KIF3A: variants seen among roughly 807,000 people sequenced by gnomAD.
The protein encoded by KIF3A is kinesin-like protein KIF3A.
KIF3A carries 27 observed loss-of-function variants against 92.6 expected under a neutral mutation model. The observed-to-expected ratio is 0.29, with a 90% CI of 0.21 to 0.40. The LOEUF is 0.40. Ranked by LOEUF, KIF3A falls within the 10% of genes least tolerant of loss-of-function variation. The pLI is 1.00. For synonymous variants in KIF3A, 250 were observed against 275.4 expected (o/e 0.91, Z 0.92); for missense variants, 581 against 872.6 (o/e 0.67, Z 4.21).
intron 18 of KIF3A, 113 bp from the exon 19 acceptor site, chr5:132,696,795 A>T: frequency 1.4e-6 from 1 of 723,724 alleles, no homozygotes; most frequent in Non-Finnish European, 2.4e-6. Context: ...GAAACAAGCC[A>T]AAATTTGACA....
At position 132,731,175 on chromosome 5, in the gene KIF3A, C is replaced by A. The variant is rs764293100; in HGVS notation, c.280+3030G>T. Among the ~76,000 whole-genome samples the A allele has an allele frequency of 1.6e-4, 25 of 152,162 alleles. 1 individual carries two copies. The highest frequency in any genetic ancestry group is 4.1e-4 in the South Asian group (2 of 4,830). On this transcript the variant is annotated intron_variant, in intron 2 of 18. Coordinates refer to ENST00000403231, the MANE Select transcript of KIF3A (RefSeq NM_001300791.2). ...AGAAGGGGATACTTTCTAACCCATT[C>A]TATGAAACTAGCATTATCACAATAC...
chr5:132,695,570 A>T lies in KIF3A; in HGVS notation c.*1064T>A, dbSNP rs2149889212. 6.6e-6 allele frequency: 1 copy of T among 152,502 alleles called. No homozygotes were observed. The highest frequency in any genetic ancestry group is 1.5e-5 in the Non-Finnish European group (1 of 68,030). 9.4% of individuals were successfully genotyped at this position (152,502 alleles called of 1,614,324 possible). ...CTATTACAACTTACTTTACTATGAA[A>T]TCAACATAGTTTTTATTTGTAGAGG... On this transcript the variant is annotated 3_prime_UTR_variant, in exon 19 of 19. Transcript: ENST00000403231.
intron 13 of KIF3A, 107 bp from the exon 14 acceptor site, chr5:132,702,775 T>G: frequency 2.3e-6 from 3 of 1,284,340 alleles, no homozygotes; most frequent in Non-Finnish European, 3.3e-6. Flanking sequence ...TTCAAAGCAA[T>G]CCATAAATAT....
At chr5:132,718,745 G>C (rs897402848) in intron 5 of KIF3A, among the ~76,000 whole-genome samples, 2 of 152,178 alleles carry the variant, frequency 1.3e-5, no homozygotes, top group African/African-American at 4.8e-5. Context: ...TGCTGCCTCA[G>C]CATCCCAAGT....
chr5:132,691,432 A>G (rs1752661137), downstream of KIF3A, among the ~76,000 whole-genome samples: 2 of 152,012 alleles, frequency 1.3e-5, no homozygotes, highest in African/African-American at 4.8e-5. Context: ...CTGTAGTCCC[A>G]GCTACTCTGA....
rs182390037 is a variant in KIF3A at position 132,693,009 on chromosome 5, G to C, written c.*3625C>G. The stretch of plus-strand genomic sequence containing the variant: ...TAATTCACAGCCCTGTAGGAAAGAA[G>C]ACTTTCCTTAAGAGTTAAGGGGAAG... On this transcript the variant is annotated 3_prime_UTR_variant, in exon 19 of 19. Coordinates refer to ENST00000403231, the MANE Select transcript of KIF3A (RefSeq NM_001300791.2). 30 of 152,624 alleles carry C rather than the reference G, an allele frequency of 2.0e-4. No individual in the cohort carries two copies. The highest frequency in any genetic ancestry group is 6.3e-4 in the African/African-American group (26 of 41,542). The allele number at this position is 152,624 out of a possible 1,614,324, so 9.5% of individuals were successfully genotyped here.
intron 15 of KIF3A, 23 bp downstream of exon 15, chr5:132,702,064 C>G: frequency 6.3e-7 from 1 of 1,595,768 alleles, no homozygotes. Context: ...GCGACTATCT[C>G]GGTCAGAGAA....
rs190021729 is a variant in KIF3A at position 132,723,520 on chromosome 5, G to A, written c.510+2608C>T. The A allele has an allele frequency of 1.6e-3, 243 of 152,206 alleles. 1 individual carries two copies. Among genetic ancestry groups the A allele is most frequent in the African/African-American group, 5.5e-3 (229 of 41,542 alleles). 9.4% of individuals were successfully genotyped at this position (152,206 alleles called of 1,614,324 possible). On this transcript the variant is annotated intron_variant, in intron 4 of 18. Coordinates refer to ENST00000403231, the MANE Select transcript of KIF3A (RefSeq NM_001300791.2). ...ACACATTTACAACTATCTGATCTTT[G>A]ACAAACCTGACAAAAACAAGAAATG...
Position 132,716,393 on chromosome 5 carries a change from T to A in KIF3A, c.806A>T (p.Glu269Val). 1 of 1,614,030 alleles carries A rather than the reference T, an allele frequency of 6.2e-7. No individual in the cohort carries two copies. Among genetic ancestry groups the A allele is most frequent in the Non-Finnish European group, 8.5e-7 (1 of 1,179,940 alleles). ...KTGATGQRLK[E>V]ATKINLSLST... Reference sequence around the variant, plus strand: ...AAGTGAAAGATTGATTTTTGTAGCTTCCTTTAGGCGCTGTCCAGTAGCTCC... The same window carrying A: ...AAGTGAAAGATTGATTTTTGTAGCTACCTTTAGGCGCTGTCCAGTAGCTCC... Residue 269 changes from glutamate (E) to valine (V), a missense_variant, in exon 7 of 19, where the codon GAA (glutamate) becomes GTA (valine). Glu to Val is a moderately radical substitution (Grantham distance 121). Around this residue, in one of 5 missense-constraint regions of KIF3A, gnomAD observed 40 missense variants for 107.0 expected, o/e 0.37. Transcript: ENST00000403231.
chr5:132,722,258 G>A (rs974880661), intron 4 of KIF3A, among the ~76,000 whole-genome samples: 1 of 152,100 alleles, frequency 6.6e-6, no homozygotes, highest in African/African-American at 2.4e-5. Context: ...TATGAAAGAT[G>A]AAGAAAGAAA....
intron 8 of KIF3A, 133 bp downstream of exon 8, chr5:132,715,624 C>T: frequency 1.6e-6 from 1 of 611,722 alleles, no homozygotes; most frequent in Non-Finnish European, 2.8e-6. Context: ...AAGTCACTTT[C>T]TAGAAATATT....
intron 5 of KIF3A, among the ~76,000 whole-genome samples, chr5:132,719,332 T>C (rs566021836): frequency 2.6e-5 from 4 of 152,338 alleles, no homozygotes; most frequent in African/African-American, 4.8e-5. Context: ...TTTTTGCTAA[T>C]TTTTCTATTA....
intron 4 of KIF3A, among the ~76,000 whole-genome samples, chr5:132,724,807 A>AAAT (rs1554107349): frequency 3.3e-5 from 1 of 30,106 alleles, no homozygotes; most frequent in African/African-American, 1.1e-4. Flanking sequence ...AAAAAAAAAA[A>AAAT]TATATATATA....
At chr5:132,712,235 C>T (rs1446412036) in intron 8 of KIF3A, among the ~76,000 whole-genome samples, 1 of 152,138 alleles carries the variant, frequency 6.6e-6, no homozygotes, top group African/African-American at 2.4e-5. Flanking sequence ...GTGAATGATT[C>T]TAAGATTGGG....
At chr5:132,723,303 A>C (rs1056444892) in intron 4 of KIF3A, 31 of 152,252 alleles carry the variant, frequency 2.0e-4, no homozygotes, top group African/African-American at 6.0e-4. Context: ...AAACTACTTT[A>C]AAGTTCATAT....
intron 14 of KIF3A, 32 bp downstream of exon 14, chr5:132,702,526 T>G: frequency 8.0e-7 from 1 of 1,251,440 alleles, no homozygotes. Flanking sequence ...AATCCAGAAC[T>G]GCATTAGTAG....
chr5:132,705,853 TG>T (rs1291549294), intron 11 of KIF3A, among the ~76,000 whole-genome samples: 3 of 152,126 alleles, frequency 2.0e-5, no homozygotes, highest in Non-Finnish European at 4.4e-5. Flanking sequence ...CACTTTTATA[TG>T]TATTTTTCAA....
At chr5:132,727,512 A>G (rs896136154) in intron 2 of KIF3A, among the ~76,000 whole-genome samples, 2 of 152,232 alleles carry the variant, frequency 1.3e-5, no homozygotes, top group African/African-American at 4.8e-5. Context: ...AGAGCCAAGA[A>G]AAAGAATGGA....
intron 5 of KIF3A, among the ~76,000 whole-genome samples, chr5:132,719,750 G>A (rs1753763769): frequency 6.6e-6 from 1 of 151,872 alleles, no homozygotes; most frequent in Non-Finnish European, 1.5e-5. Flanking sequence ...CCAAAGTGCT[G>A]GGATTACAGG....
Sources: allele counts gnomAD v4.1 joint callset (sites outside exome capture counted in the v4.1 genomes callset), GRCh38; gene constraint gnomAD v4.1.1; regional missense constraint gnomAD v4.1.1; transcripts MANE v1.5; gene names NCBI Gene and HGNC (gene_info 2026-07-23, HGNC 2026-07-21).